The following NNMT variants were observed in gnomAD, a reference collection of about 807,000 sequenced individuals.
The protein encoded by NNMT is nicotinamide N-methyltransferase.
In NNMT, 10 loss-of-function variants were observed where a neutral mutation model predicts 11.7. The ratio of observed to expected loss-of-function variants is 0.85; its 90% confidence interval spans 0.53 to 1.45. The LOEUF is 1.45. Ranked by LOEUF, NNMT falls within the 40% of genes most tolerant of loss-of-function variation. The pLI, the probability that NNMT is intolerant of heterozygous loss-of-function variation, is 0.00. For missense variants in NNMT, 381 were observed against 319.4 expected, an observed-to-expected ratio of 1.19 and a Z score of -1.47; for synonymous variants, 143 against 133.8, an observed-to-expected ratio of 1.07 and a Z score of -0.48.
chr11:114,302,630 T>C (rs1479790874), intron 2 of NNMT, among the ~76,000 whole-genome samples: 2 of 152,206 alleles, frequency 1.3e-5, no homozygotes, highest in Admixed American at 1.3e-4. Context: ...TGTTTAAGTG[T>C]TAGTTGAATA....
At chr11:114,269,283 G>A (rs1945150412) in intron 2 of NNMT, among the ~76,000 whole-genome samples, 1 of 151,990 alleles carries the variant, frequency 6.6e-6, no homozygotes, top group Admixed American at 6.6e-5. Context: ...TGTTCTCCTT[G>A]CCAGAAAAGT....
intron 2 of NNMT, among the ~76,000 whole-genome samples, chr11:114,278,688 G>C (rs1945234688): frequency 6.6e-6 from 1 of 152,052 alleles, no homozygotes; most frequent in African/African-American, 2.4e-5. Flanking sequence ...TGGTGATTCA[G>C]GTAGTGGAGA....
chr11:114,275,063 T>C (rs1337336662), intron 2 of NNMT, among the ~76,000 whole-genome samples: 1 of 152,224 alleles, frequency 6.6e-6, no homozygotes, highest in Non-Finnish European at 1.5e-5. Flanking sequence ...ACTCCCAAAA[T>C]ACCCCACATC....
chr11:114,298,062 A>G lies in NNMT; in HGVS notation c.266A>G (p.Gln89Arg). The change falls in exon 2 of 3, where the codon CAG becomes CGG. Residue 89 changes from glutamine (Q) to arginine (R), a missense_variant. By Grantham distance (43) the Gln-to-Arg change is conservative (BLOSUM62 1). Coordinates refer to ENST00000299964, the MANE Select transcript of NNMT (RefSeq NM_006169.3). Reference protein sequence around the residue: ...KEIVVTDYSDQNLQELEKWLK... With the variant: ...KEIVVTDYSDRNLQELEKWLK... Reference sequence around the variant, plus strand: ...ATCGTCGTCACTGACTACTCAGACCAGAACCTGCAGGAGCTGGAGAAGTGG... The same window carrying G: ...ATCGTCGTCACTGACTACTCAGACCGGAACCTGCAGGAGCTGGAGAAGTGG... The G allele has an allele frequency of 6.2e-7, 1 of 1,614,182 alleles. No individual in the cohort carries two copies. Among genetic ancestry groups the G allele is most frequent in the Non-Finnish European group, 8.5e-7 (1 of 1,180,034 alleles).
intron 2 of NNMT, among the ~76,000 whole-genome samples, chr11:114,270,728 C>T (rs1945162768): frequency 6.6e-6 from 1 of 152,094 alleles, no homozygotes; most frequent in South Asian, 2.1e-4. Flanking sequence ...GGATAGCAAT[C>T]CTACTGGATT....
upstream of NNMT, chr11:114,296,312 C>T: frequency 2.2e-6 from 1 of 461,902 alleles, no homozygotes; most frequent in Non-Finnish European, 3.9e-6. Flanking sequence ...CTACCATACC[C>T]TCCACCCCCG....
At chr11:114,274,453 T>C (rs1591827897) in intron 2 of NNMT, among the ~76,000 whole-genome samples, 1 of 152,206 alleles carries the variant, frequency 6.6e-6, no homozygotes, top group Non-Finnish European at 1.5e-5. Flanking sequence ...ATTTGACTGG[T>C]CTCCAGTGGT....
chr11:114,309,171 A>C (rs542157241), intron 2 of NNMT, among the ~76,000 whole-genome samples: 1 of 152,256 alleles, frequency 6.6e-6, no homozygotes, highest in African/African-American at 2.4e-5. Context: ...TATTATTCCT[A>C]TGTGCAGATA....
chr11:114,284,852 C>T (rs1945286632), intron 2 of NNMT, among the ~76,000 whole-genome samples: 1 of 148,886 alleles, frequency 6.7e-6, no homozygotes, highest in African/African-American at 2.5e-5. Flanking sequence ...TAACTGCAAC[C>T]TCCACCTTCT....
intron 2 of NNMT, among the ~76,000 whole-genome samples, chr11:114,277,312 A>G (rs1357056999): frequency 6.6e-6 from 1 of 152,236 alleles, no homozygotes; most frequent in South Asian, 2.1e-4. Context: ...TAAGACCCCA[A>G]AGATATAATA....
intron 1 of NNMT, among the ~76,000 whole-genome samples, chr11:114,259,349 G>GC (rs1388996481): frequency 5.1e-5 from 6 of 118,230 alleles, no homozygotes; most frequent in Non-Finnish European, 9.5e-5. Context: ...AGGCCCAGTG[G>GC]GGGGGGGGGA....
At chr11:114,311,922 C>T (rs1005667645) in intron 2 of NNMT, 123 bp from the exon 3 acceptor site, 33 of 954,248 alleles carry the variant, frequency 3.5e-5, no homozygotes, top group Middle Eastern at 2.6e-4. Context: ...TCTCCTTTCC[C>T]GATAGAGGTG....
At chr11:114,277,660 A>C (rs574926715) in intron 2 of NNMT, among the ~76,000 whole-genome samples, 338 of 152,344 alleles carry the variant, frequency 2.2e-3, no homozygotes, top group Non-Finnish European at 4.0e-3. Context: ...AGAAAAGTGA[A>C]AGAACCTTAG....
intron 2 of NNMT, among the ~76,000 whole-genome samples, chr11:114,286,009 A>G (rs1222195156): frequency 6.6e-6 from 1 of 152,186 alleles, no homozygotes; most frequent in Non-Finnish European, 1.5e-5. Flanking sequence ...TTGGAAAGAA[A>G]AGCTTGGAAG....
intron 2 of NNMT, among the ~76,000 whole-genome samples, chr11:114,263,243 C>T (rs546668045): frequency 6.6e-6 from 1 of 152,170 alleles, no homozygotes; most frequent in African/African-American, 2.4e-5. Flanking sequence ...AAACAAGCAC[C>T]AATGAAACTG....
intron 2 of NNMT, among the ~76,000 whole-genome samples, chr11:114,283,586 C>T (rs1945277111): frequency 6.6e-6 from 1 of 152,106 alleles, no homozygotes; most frequent in Admixed American, 6.6e-5. Flanking sequence ...ATTCCGAAAG[C>T]TTTTTGACAA....
intron 2 of NNMT, among the ~76,000 whole-genome samples, chr11:114,288,164 CT>C (rs1308789617): frequency 6.6e-6 from 1 of 152,076 alleles, no homozygotes; most frequent in African/African-American, 2.4e-5. Context: ...ATGTTATCTG[CT>C]AATAGTAACA....
chr11:114,284,764 CTTTTTTT>C (rs11415162), intron 2 of NNMT, among the ~76,000 whole-genome samples: 6 of 90,354 alleles, frequency 6.6e-5, no homozygotes, highest in African/African-American at 2.5e-4. Context: ...ACCCGGCCAT[CTTTTTTT>C]TTTTTTTTTT....
chr11:114,296,353 A>G (rs1037982129), upstream of NNMT: 2 of 555,072 alleles, frequency 3.6e-6, no homozygotes, highest in East Asian at 6.0e-5. Flanking sequence ...CGGGAATTTC[A>G]TCATTTCCTA....
Sources: allele counts gnomAD v4.1 joint callset (sites outside exome capture counted in the v4.1 genomes callset), GRCh38; gene constraint gnomAD v4.1.1; transcripts MANE v1.5; gene names NCBI Gene and HGNC (gene_info 2026-07-23, HGNC 2026-07-21).